The following SHANK2 variants were observed in gnomAD, a reference collection of about 807,000 sequenced individuals.
SHANK2 encodes SH3 and multiple ankyrin repeat domains protein 2.
A neutral mutation model predicts 133.7 loss-of-function variants in SHANK2; 43 were observed. The observed-to-expected ratio is 0.32, with a 90% CI of 0.25 to 0.41. The LOEUF is 0.41. SHANK2 is among the 10% of genes least tolerant of loss of function. SHANK2 has a pLI of 1.00. For synonymous variants in SHANK2, 1,017 were observed against 952.8 expected (o/e 1.07, Z -1.24); for missense variants, 1,994 against 2,235.8 (o/e 0.89, Z 2.18).
chr11:70,524,824 C>T (rs1403152027), intron 17 of SHANK2, among the ~76,000 whole-genome samples: 3 of 152,220 alleles, frequency 2.0e-5, no homozygotes, highest in Non-Finnish European at 2.9e-5. Context: ...TTGAGATAGC[C>T]CCTCCAAGGG....
intron 1 of SHANK2, among the ~76,000 whole-genome samples, chr11:71,241,880 C>A (rs1242573131): frequency 6.6e-6 from 1 of 152,234 alleles, no homozygotes; most frequent in Non-Finnish European, 1.5e-5. Context: ...GGGCCTGGGG[C>A]TGGACGCTGC....
intron 14 of SHANK2, among the ~76,000 whole-genome samples, chr11:70,776,893 C>A (rs1370984469): frequency 1.3e-5 from 2 of 151,118 alleles, no homozygotes; most frequent in African/African-American, 2.4e-5. Context: ...ATCCACCCAC[C>A]CACTCACCCA....
At chr11:70,808,808 A>G (rs1948218445) in intron 12 of SHANK2, among the ~76,000 whole-genome samples, 1 of 152,102 alleles carries the variant, frequency 6.6e-6, no homozygotes, top group South Asian at 2.1e-4. Context: ...TGGGTGTCCG[A>G]CACTTCATCC....
intron 17 of SHANK2, among the ~76,000 whole-genome samples, chr11:70,639,013 C>A (rs76808381): frequency 3.0e-4 from 41 of 136,402 alleles, no homozygotes; most frequent in Non-Finnish European, 3.2e-4. Context: ...AACAAAAAAA[C>A]AAAAAAAAAA....
At chr11:70,871,227 T>C (rs1949455219) in intron 11 of SHANK2, among the ~76,000 whole-genome samples, 1 of 152,284 alleles carries the variant, frequency 6.6e-6, no homozygotes, top group South Asian at 2.1e-4. Flanking sequence ...CATATGCATT[T>C]GCAGGGACAC....
chr11:70,899,398 T>G (rs1169162042), intron 10 of SHANK2, among the ~76,000 whole-genome samples: 1 of 152,146 alleles, frequency 6.6e-6, no homozygotes, highest in African/African-American at 2.4e-5. Flanking sequence ...TCCCCAGCCA[T>G]GCGGAACTGT....
At chr11:70,532,364 G>C (rs1554973393) in intron 17 of SHANK2, among the ~76,000 whole-genome samples, 1 of 152,220 alleles carries the variant, frequency 6.6e-6, no homozygotes, top group East Asian at 1.9e-4. Context: ...CCCCCATGCT[G>C]TGCACAGCTG....
intron 21 of SHANK2, among the ~76,000 whole-genome samples, chr11:70,497,802 G>A (rs1379407598): frequency 2.6e-5 from 4 of 152,226 alleles, no homozygotes; most frequent in African/African-American, 9.6e-5. Flanking sequence ...CAGCGTCCAT[G>A]CCGAGGCTGG....
At chr11:71,199,799 G>A (rs935657885) in intron 2 of SHANK2, among the ~76,000 whole-genome samples, 3 of 152,190 alleles carry the variant, frequency 2.0e-5, no homozygotes, top group Admixed American at 6.5e-5. Flanking sequence ...TTGGCCAGAC[G>A]TGCAGACCCT....
intron 17 of SHANK2, among the ~76,000 whole-genome samples, chr11:70,541,019 C>A (rs2059615651): frequency 6.6e-6 from 1 of 152,146 alleles, no homozygotes; most frequent in Non-Finnish European, 1.5e-5. Context: ...CACCCTCCAA[C>A]TTTCTGTCTC....
rs200491993 is a variant in SHANK2, at chr11:70,922,877, AATAC to A, written c.1108-26314_1108-26311del. Reference sequence around the variant, plus strand: ...GAAGCTGACCTGGTGACATAAACAAAATACAACATCCCCTATACTTTAAACAAAC... The same window carrying A: ...GAAGCTGACCTGGTGACATAAACAAAAACATCCCCTATACTTTAAACAAAC... On this transcript the variant is annotated intron_variant, in intron 10 of 25. Transcript: ENST00000601538. 5.9e-5 allele frequency among the ~76,000 whole-genome samples: 9 copies of A among 152,208 alleles called. No individual in the cohort carries two copies. The East Asian group carries it at 1.7e-3, about 29-fold the overall frequency.
At chr11:70,483,787 C>T (rs2058767172) in intron 25 of SHANK2, among the ~76,000 whole-genome samples, 1 of 152,186 alleles carries the variant, frequency 6.6e-6, no homozygotes, top group Non-Finnish European at 1.5e-5. Flanking sequence ...AGACTTTCTC[C>T]TTGACTGGAG....
chr11:71,226,706 T>A (rs960574035), intron 1 of SHANK2: 1 of 152,002 alleles, frequency 6.6e-6, no homozygotes, highest in Non-Finnish European at 1.5e-5. Flanking sequence ...TAGTCTCAGA[T>A]GAAAGGAAAC....
At chr11:70,575,299 G>C (rs1002956235) in intron 17 of SHANK2, among the ~76,000 whole-genome samples, 2 of 152,118 alleles carry the variant, frequency 1.3e-5, no homozygotes, top group African/African-American at 4.8e-5. Context: ...ATCACCTGAG[G>C]TCAGGAGATT....
intron 2 of SHANK2, among the ~76,000 whole-genome samples, chr11:71,195,465 A>C (rs1462677181): frequency 2.6e-5 from 4 of 152,242 alleles, no homozygotes; most frequent in Non-Finnish European, 4.4e-5. Flanking sequence ...ATTGATGGAG[A>C]CATGAAATTT....
In SHANK2 at chr11:70,821,645, G is replaced by A. The variant is rs186985553; in HGVS notation, c.1175-963C>T. 1.8e-4 allele frequency among the ~76,000 whole-genome samples: 28 copies of A among 152,144 alleles called. 1 individual carries two copies. The highest frequency in any genetic ancestry group is 4.2e-4 in the South Asian group (2 of 4,806). On this transcript the variant is annotated intron_variant, in intron 11 of 25. Coordinates refer to ENST00000601538, the MANE Select transcript of SHANK2 (RefSeq NM_012309.5). ...TCACCATGTTGGCCAGGCTGGTCTC[G>A]AACTCCCGATCTTGTGATCCGCCTG... is the stretch of plus-strand genomic sequence containing the variant.
At chr11:71,210,210 G>GTGTATATATATGTATGTATATA (rs1491563939) in intron 2 of SHANK2, among the ~76,000 whole-genome samples, 1 of 54,074 alleles carries the variant, frequency 1.8e-5, no homozygotes. Flanking sequence ...AAATCCACAG[G>GTGTATATATATGTATGTATATA]TATATATATA....
chr11:70,875,385 C>T lies in SHANK2; in HGVS notation c.1174+21116G>A, dbSNP rs368503406. On this transcript the variant is annotated intron_variant, in intron 11 of 25. Transcript: ENST00000601538. ...AAATACAAAAAAAAAATTAGCCAGGCGTGGTGGCAGGCGCCTGTAGTCCCA... is the reference window on the plus strand; with the variant it reads ...AAATACAAAAAAAAAATTAGCCAGGTGTGGTGGCAGGCGCCTGTAGTCCCA... Among the ~76,000 whole-genome samples, 62 of 151,774 alleles carry T rather than the reference C, an allele frequency of 4.1e-4. 1 individual carries two copies. In the East Asian group the frequency reaches 6.0e-3, roughly 15 times the overall value.
rs1565166365 is a variant in SHANK2, at chr11:70,599,911, G to GAAAGAGAAAGAAAT, written c.2061+59916_2061+59917insATTTCTTTCTCTTT. ...AGAAAAAGAAAGAAAGAAAGAGAAA[G>GAAAGAGAAAGAAAT]AAAGAAAGAAAGAAAGAAAGAAAGA... On this transcript the variant is annotated intron_variant, in intron 17 of 25. Transcript: ENST00000601538. Among the ~76,000 whole-genome samples the GAAAGAGAAAGAAAT allele has an allele frequency of 1.0e-3, 46 of 44,860 alleles. 1 individual carries two copies. Among genetic ancestry groups the GAAAGAGAAAGAAAT allele is most frequent in the Middle Eastern group, 0.011 (1 of 90 alleles). 29.4% of individuals were successfully genotyped at this position (44,860 alleles called of 152,430 possible).
Sources: allele counts gnomAD v4.1 joint callset (sites outside exome capture counted in the v4.1 genomes callset), GRCh38; gene constraint gnomAD v4.1.1; transcripts MANE v1.5; gene names NCBI Gene and HGNC (gene_info 2026-07-23, HGNC 2026-07-21).